The following COG5 variants were observed in gnomAD, a reference collection of about 807,000 sequenced individuals.
COG5 encodes component of oligomeric golgi complex 5, also known as conserved oligomeric Golgi complex subunit 5.
Under a neutral mutation model 110.4 loss-of-function variants are expected in COG5, and 86 were observed. The ratio of observed to expected loss-of-function variants is 0.78; its 90% CI spans 0.65 to 0.93. COG5 has a LOEUF of 0.93. Among genes scored for constraint, COG5 ranks in the 40% least tolerant of loss-of-function variants. The probability of loss-of-function intolerance (pLI) is 0.00; values close to 1 mark genes in which losing one functional copy is unlikely to be tolerated. For missense variants in COG5, 1,077 were observed against 987.0 expected (o/e 1.09, Z -1.22); for synonymous variants, 360 against 334.6 (o/e 1.08, Z -0.83).
intron 10 of COG5, among the ~76,000 whole-genome samples, chr7:107,334,421 T>C (rs192753366): frequency 1.3e-5 from 2 of 151,950 alleles, no homozygotes; most frequent in East Asian, 3.9e-4. Flanking sequence ...GCTATGAATA[T>C]CCAGTTACAG....
chr7:107,232,820 C>G (rs1800874641), intron 18 of COG5, among the ~76,000 whole-genome samples: 1 of 152,074 alleles, frequency 6.6e-6, no homozygotes, highest in African/African-American at 2.4e-5. Flanking sequence ...ACAAAAGTGG[C>G]ATGTGCAACT....
chr7:107,311,673 G>A (rs139073344), intron 11 of COG5, among the ~76,000 whole-genome samples: 100 of 151,940 alleles, frequency 6.6e-4, no homozygotes, highest in African/African-American at 2.1e-3. Context: ...GATTACAGGC[G>A]TGAGCCACCG....
At chr7:107,509,978 GAA>G (rs1563074384) in intron 6 of COG5, among the ~76,000 whole-genome samples, 2 of 152,174 alleles carry the variant, frequency 1.3e-5, no homozygotes, top group African/African-American at 4.8e-5. Context: ...AGGCTAGGAA[GAA>G]ACTGCATCAA....
At chr7:107,497,414 C>T (rs1356542041) in intron 6 of COG5, among the ~76,000 whole-genome samples, 2 of 151,966 alleles carry the variant, frequency 1.3e-5, no homozygotes, top group African/African-American at 4.8e-5. Flanking sequence ...AAGACCCCAC[C>T]AAAAAACTAT....
intron 6 of COG5, among the ~76,000 whole-genome samples, chr7:107,459,442 T>C (rs959055197): frequency 6.6e-5 from 10 of 151,802 alleles, no homozygotes; most frequent in Non-Finnish European, 1.2e-4. Context: ...TCTGCAATTA[T>C]AGGCAAGGAT....
intron 11 of COG5, among the ~76,000 whole-genome samples, chr7:107,298,556 A>G (rs1446635025): frequency 6.6e-6 from 1 of 152,142 alleles, no homozygotes; most frequent in East Asian, 1.9e-4. Context: ...TTGAAACCTA[A>G]TCTATATTTA....
intron 7 of COG5, among the ~76,000 whole-genome samples, chr7:107,393,905 A>G (rs1332079791): frequency 1.3e-5 from 2 of 152,112 alleles, no homozygotes; most frequent in Non-Finnish European, 2.9e-5. Flanking sequence ...TCCTAACCTC[A>G]TAGATTATAA....
chr7:107,340,862 A>T (rs1413831242), intron 10 of COG5, among the ~76,000 whole-genome samples: 1 of 152,158 alleles, frequency 6.6e-6, no homozygotes, highest in Non-Finnish European at 1.5e-5. Flanking sequence ...GAAACTGGGT[A>T]TCAAAGGAAC....
chr7:107,514,682 C>G (rs1799793933), intron 6 of COG5, among the ~76,000 whole-genome samples: 1 of 152,114 alleles, frequency 6.6e-6, no homozygotes, highest in Non-Finnish European at 1.5e-5. Context: ...AATATACATT[C>G]TACAAAGGGT....
chr7:107,252,978 T>C (rs1463661357), intron 16 of COG5: 2 of 152,158 alleles, frequency 1.3e-5, no homozygotes, highest in Non-Finnish European at 2.9e-5. Context: ...GCTAATACTA[T>C]ACTTACAATA....
rs528634607 is a variant in COG5, at chr7:107,267,764, CTG to C, written c.1576-9383_1576-9382del. ...AATCAATACAATTTAAAAAAAATAACTGGGGTAAGGGCCGGGCATGGTGGCTT... is the reference window on the plus strand; with the variant it reads ...AATCAATACAATTTAAAAAAAATAACGGGTAAGGGCCGGGCATGGTGGCTT... On this transcript the variant is annotated intron_variant, in intron 14 of 21. Coordinates refer to ENST00000297135, the MANE Select transcript of COG5 (RefSeq NM_006348.5). Among the ~76,000 whole-genome samples, 79 of 152,104 alleles carry C rather than the reference CTG, an allele frequency of 5.2e-4. No homozygotes were observed. The South Asian group carries it at 0.016, about 31-fold the overall frequency.
At chr7:107,308,407 G>C in intron 11 of COG5, among the ~76,000 whole-genome samples, 1 of 152,146 alleles carries the variant, frequency 6.6e-6, no homozygotes, top group South Asian at 2.1e-4. Flanking sequence ...GTAAGAATTT[G>C]ATCAGATTCC....
intron 19 of COG5, among the ~76,000 whole-genome samples, chr7:107,221,178 T>G (rs1233131426): frequency 6.6e-6 from 1 of 151,972 alleles, no homozygotes; most frequent in African/African-American, 2.4e-5. Flanking sequence ...ATTGGTCCTG[T>G]GAGTTTTCCC....
chr7:107,272,505 TG>T (rs2116729826), intron 14 of COG5, among the ~76,000 whole-genome samples: 1 of 152,300 alleles, frequency 6.6e-6, no homozygotes, highest in South Asian at 2.1e-4. Flanking sequence ...TCCTCAACCT[TG>T]GCAAAATAAA....
chr7:107,248,240 G>A (rs547972970), intron 17 of COG5, among the ~76,000 whole-genome samples, 156 bp downstream of exon 17: 10 of 151,990 alleles, frequency 6.6e-5, no homozygotes, highest in Admixed American at 6.6e-4. Flanking sequence ...TGTGAATGGC[G>A]CTCACAATGG....
chr7:107,346,797 C>A (rs920803824), intron 10 of COG5, among the ~76,000 whole-genome samples: 2 of 151,910 alleles, frequency 1.3e-5, no homozygotes, highest in Admixed American at 1.3e-4. Context: ...TGGTGTGCTG[C>A]ACCCATTAAC....
intron 10 of COG5, among the ~76,000 whole-genome samples, chr7:107,341,509 A>C (rs1811168563): frequency 6.6e-6 from 1 of 152,144 alleles, no homozygotes; most frequent in African/African-American, 2.4e-5. Context: ...ATTTTTCACA[A>C]AATTAGAAAA....
At chr7:107,235,572 G>A (rs564507072) in intron 18 of COG5, among the ~76,000 whole-genome samples, 15 of 152,264 alleles carry the variant, frequency 9.9e-5, no homozygotes, top group Admixed American at 3.3e-4. Context: ...GCGTGGTGGC[G>A]CGTGCCTGTA....
At chr7:107,356,767 C>T (rs1812661148) in intron 10 of COG5, among the ~76,000 whole-genome samples, 1 of 151,850 alleles carries the variant, frequency 6.6e-6, no homozygotes. Flanking sequence ...TTATTTCATC[C>T]TGAACTAGTT....
Sources: gnomAD v4.1 joint callset for allele counts (sites outside exome capture counted in the v4.1 genomes callset) on GRCh38, gnomAD v4.1.1 for gene constraint, MANE v1.5 for transcripts, NCBI Gene and HGNC (gene_info 2026-07-23, HGNC 2026-07-21) for gene names.